The following CYP4F11 variants were observed in gnomAD, a reference collection of about 807,000 sequenced individuals.
CYP4F11 encodes the protein cytochrome P450 family 4 subfamily F member 11.
Under a neutral mutation model 62.2 loss-of-function variants are expected in CYP4F11, and 79 were observed. The observed-to-expected ratio is 1.27, with a 90% CI of 1.06 to 1.53. The LOEUF (loss-of-function observed/expected upper bound fraction) is 1.53. CYP4F11 is among the 40% of genes most tolerant of loss of function. The pLI is 0.00. For missense variants in CYP4F11, 777 were observed against 680.5 expected (o/e 1.14, Z -1.58); for synonymous variants, 290 against 263.7 (o/e 1.10, Z -0.97).
intron 6 of CYP4F11, among the ~76,000 whole-genome samples, chr19:15,923,256 T>A (rs1258887697): frequency 6.6e-6 from 1 of 151,232 alleles, no homozygotes; most frequent in African/African-American, 2.4e-5. Flanking sequence ...TCTCTCTCTC[T>A]CTCTCTCTCT....
At chr19:15,929,287 G>A (rs1188671942) in intron 2 of CYP4F11, among the ~76,000 whole-genome samples, 170 bp downstream of exon 2, 1 of 152,188 alleles carries the variant, frequency 6.6e-6, no homozygotes, top group East Asian at 1.9e-4. Flanking sequence ...GGGAGGAGAC[G>A]CTGACATGGG....
In CYP4F11 at chr19:15,925,003, T is replaced by A. The variant is rs137973702; in HGVS notation, c.526-121A>T. 5.1e-6 allele frequency: 6 copies of A among 1,177,934 alleles called. No homozygotes were observed. In the African/African-American group the frequency reaches 9.4e-5, roughly 18 times the overall value. The allele number at this position is 1,177,934 out of a possible 1,614,324, so 73.0% of individuals were successfully genotyped here. ...CCTGGTCCTCTGCCCCAGGTACCCA[T>A]CCCCAGGAAGGACCAGCCTTGGATA... On this transcript the variant is annotated intron_variant, in intron 4 of 11. Coordinates refer to ENST00000402119, the MANE Select transcript of CYP4F11 (RefSeq NM_021187.4).
At chr19:15,924,727 GGCCCAA>G (rs1478764141) in intron 5 of CYP4F11, 28 bp downstream of exon 5, 6 of 1,599,314 alleles carry the variant, frequency 3.8e-6, no homozygotes, top group Admixed American at 3.4e-5. Flanking sequence ...TTGGGTTCCA[GGCCCAA>G]GTTCTCAGGT....
intron 1 of CYP4F11, among the ~76,000 whole-genome samples, chr19:15,930,923 G>C (rs986885518): frequency 6.6e-6 from 1 of 152,172 alleles, no homozygotes; most frequent in African/African-American, 2.4e-5. Context: ...TGCAGGCCAG[G>C]CTCTGTGCTA....
intron 4 of CYP4F11, 113 bp from the exon 5 acceptor site, chr19:15,924,995 G>A (rs2089658136): frequency 1.6e-6 from 2 of 1,257,644 alleles, no homozygotes; most frequent in Non-Finnish European, 2.1e-6. Context: ...CTCTGCCCCA[G>A]GTACCCATCC....
intron 7 of CYP4F11, 57 bp downstream of exon 7, chr19:15,922,307 C>G: frequency 6.2e-7 from 1 of 1,608,964 alleles, no homozygotes; most frequent in Non-Finnish European, 8.5e-7. Context: ...CCACCCACTA[C>G]GTTCCTGGGA....
rs776510826 is a variant in CYP4F11, at chr19:15,922,154, G to A, written c.998C>T (p.Thr333Ile). ...TAGGACCCAGGAGAGACCACTGGCTGTAGTGTCATGGCCTGAGGGGCAGCC... is the reference window on the plus strand; with the variant it reads ...TAGGACCCAGGAGAGACCACTGGCTATAGTGTCATGGCCTGAGGGGCAGCC... Reference protein sequence around the residue: ...DTFMFEGHDTTASGLSWVLYH... With the variant: ...DTFMFEGHDTIASGLSWVLYH... The change falls in exon 8 of 12, where the codon ACA becomes ATA. Residue 333 changes from threonine to isoleucine, a missense_variant. Transcript: ENST00000402119. 5.6e-6 allele frequency: 9 copies of A among 1,612,314 alleles called. No individual in the cohort carries two copies. Among genetic ancestry groups the A allele is most frequent in the Admixed American group, 1.7e-5 (1 of 59,708 alleles).
chr19:15,927,000 C>G (rs186426727), intron 4 of CYP4F11, among the ~76,000 whole-genome samples: 1 of 152,338 alleles, frequency 6.6e-6, no homozygotes, highest in East Asian at 1.9e-4. Context: ...AGCATGGAAA[C>G]TCACACCTTT....
Position 15,922,175 on chromosome 19 carries a change from C to T in CYP4F11, c.986-9G>A, listed in dbSNP as rs369726157. On this transcript the variant is annotated splice_polypyrimidine_tract_variant and intron_variant, in intron 7 of 11. Transcript: ENST00000402119. ...GGCTGTAGTGTCATGGCCTGAGGGG[C>T]AGCCAAGCAAAACTGGGTTTCTGGG... 1.6e-5 allele frequency: 26 copies of T among 1,605,238 alleles called. No individual in the cohort carries two copies. The highest frequency in any genetic ancestry group is 2.1e-5 in the Non-Finnish European group (25 of 1,176,534).
Position 15,914,682 on chromosome 19 carries a change from G to A in CYP4F11, c.1250-16C>T, listed in dbSNP as rs753481104. ...CAGACAATGCCTGTGGGAGAGAAGA[G>A]GGCAGTCAGGACAAGGCCCCCCTGC... is the stretch of plus-strand genomic sequence containing the variant. On this transcript the variant is annotated splice_polypyrimidine_tract_variant and intron_variant, in intron 9 of 11. Coordinates refer to ENST00000402119, the MANE Select transcript of CYP4F11 (RefSeq NM_021187.4). 11 of 1,614,050 alleles carry A rather than the reference G, an allele frequency of 6.8e-6. No individual in the cohort carries two copies. The highest frequency in any genetic ancestry group is 4.4e-5 in the South Asian group (4 of 91,076).
intron 4 of CYP4F11, among the ~76,000 whole-genome samples, chr19:15,925,481 T>G (rs1419223924): frequency 1.3e-5 from 2 of 151,868 alleles, no homozygotes; most frequent in Non-Finnish European, 2.9e-5. Flanking sequence ...TCCCTATTAC[T>G]TGGGAGGGGA....
intron 6 of CYP4F11, 136 bp from the exon 7 acceptor site, chr19:15,922,566 C>G (rs1033526459): frequency 1.1e-5 from 10 of 883,914 alleles, no homozygotes; most frequent in Non-Finnish European, 1.6e-5. Flanking sequence ...CTAGATGTCT[C>G]TTGGTCACCA....
At chr19:15,927,686 A>G in intron 2 of CYP4F11, 1 of 628,622 alleles carries the variant, frequency 1.6e-6, no homozygotes, top group South Asian at 1.9e-5. Flanking sequence ...TAGAGCAATA[A>G]CACAGCATGC....
chr19:15,922,520 A>G, intron 6 of CYP4F11, 90 bp from the exon 7 acceptor site: 2 of 1,404,580 alleles, frequency 1.4e-6, no homozygotes, highest in Non-Finnish European at 2.0e-6. Flanking sequence ...CTGAAGATCC[A>G]TCCTCCTTCC....
chr19:15,929,620 C>T lies in CYP4F11; in HGVS notation c.199-19G>A. ...GAGTGACCTGAAAACAAGGCAGAGG[C>T]CGTCAGCCCTTGTGATGGTTAATTC... On this transcript the variant is annotated intron_variant, in intron 1 of 11. Coordinates refer to ENST00000402119, the MANE Select transcript of CYP4F11 (RefSeq NM_021187.4). The T allele has an allele frequency of 6.4e-7, 1 of 1,569,918 alleles. No homozygotes were observed. Among genetic ancestry groups the T allele is most frequent in the South Asian group, 1.2e-5 (1 of 83,658 alleles).
At chr19:15,925,278 C>T (rs2089660335) in intron 4 of CYP4F11, among the ~76,000 whole-genome samples, 1 of 152,068 alleles carries the variant, frequency 6.6e-6, no homozygotes, top group African/African-American at 2.4e-5. Context: ...TGGCAAACTC[C>T]CTAATCTCTC....
intron 1 of CYP4F11, among the ~76,000 whole-genome samples, chr19:15,933,894 G>T (rs1174886856): frequency 7.1e-6 from 1 of 141,758 alleles, no homozygotes; most frequent in African/African-American, 2.8e-5. Flanking sequence ...GAAGAGGAAT[G>T]AGTGAGTGGG....
intron 10 of CYP4F11, 90 bp from the exon 11 acceptor site, chr19:15,914,477 G>T: frequency 6.4e-7 from 1 of 1,551,188 alleles, no homozygotes; most frequent in Middle Eastern, 1.7e-4. Flanking sequence ...GCCTTGGAGA[G>T]ACATTTTGGC....
At chr19:15,927,590 C>G in intron 2 of CYP4F11, 107 bp from the exon 3 acceptor site, 2 of 1,458,714 alleles carry the variant, frequency 1.4e-6, no homozygotes, top group Non-Finnish European at 1.9e-6. Context: ...GCATCCCACC[C>G]AGCATAGCAG....
Sources: allele counts gnomAD v4.1 joint callset (sites outside exome capture counted in the v4.1 genomes callset), GRCh38; gene constraint gnomAD v4.1.1; transcripts MANE v1.5; gene names NCBI Gene and HGNC (gene_info 2026-07-23, HGNC 2026-07-21).